The following CARM1 variants were observed in gnomAD, a reference collection of about 807,000 sequenced individuals.
The protein encoded by CARM1 is coactivator associated arginine methyltransferase 1.
In CARM1, 14 loss-of-function variants were observed where a neutral mutation model predicts 72.7. The observed-to-expected ratio is 0.19, with a 90% CI of 0.13 to 0.30. The LOEUF (loss-of-function observed/expected upper bound fraction) is 0.30, where lower values mean the gene tolerates loss of function less well. Among genes scored for constraint, CARM1 ranks in the 10% least tolerant of loss-of-function variants. CARM1 has a pLI of 1.00. For synonymous variants in CARM1, 333 were observed against 345.5 expected (o/e 0.96, Z 0.40); for missense variants, 432 against 833.7 (o/e 0.52, Z 5.93).
In CARM1 at chr19:10,883,988, G is replaced by C. The variant is rs375169379; in HGVS notation, c.220+12066G>C. Among the ~76,000 whole-genome samples, 3 of 147,164 alleles carry C rather than the reference G, an allele frequency of 2.0e-5. No homozygotes were observed. The Admixed American group carries it at 2.0e-4, about 10-fold the overall frequency. On this transcript the variant is annotated intron_variant, in intron 1 of 15. Transcript: ENST00000327064. Reference sequence around the variant, plus strand: ...AGCCAAGATCATGCCACTGCACTCCGGCCTGGGTGACAGAGCGAGACTCTG... The same window carrying C: ...AGCCAAGATCATGCCACTGCACTCCCGCCTGGGTGACAGAGCGAGACTCTG...
At chr19:10,902,602 C>T (rs1270315031) in intron 1 of CARM1, among the ~76,000 whole-genome samples, 1 of 146,388 alleles carries the variant, frequency 6.8e-6, no homozygotes, top group Non-Finnish European at 1.5e-5. Flanking sequence ...AGCCACTGTG[C>T]CCAGACTTTT....
Position 10,916,562 on chromosome 19 carries a change from C to T in CARM1, c.938+65C>T, listed in dbSNP as rs1416610525. The T allele has an allele frequency of 3.5e-6, 5 of 1,421,556 alleles. No individual in the cohort carries two copies. The East Asian group carries it at 9.2e-5, about 26-fold the overall frequency. 88.1% of individuals were successfully genotyped at this position (1,421,556 alleles called of 1,614,324 possible). On this transcript the variant is annotated intron_variant, in intron 7 of 15. Coordinates refer to ENST00000327064, the MANE Select transcript of CARM1 (RefSeq NM_199141.2). The surrounding 1 kb of genome is among the most constrained non-coding windows in gnomAD (Gnocchi z 4.4). Reference sequence around the variant, plus strand: ...TGCCTTCTCAGGGACAGCCCCAGCTCCCCAGAGAGCCTGCACTCCTCTTTT... The same window carrying T: ...TGCCTTCTCAGGGACAGCCCCAGCTTCCCAGAGAGCCTGCACTCCTCTTTT...
intron 1 of CARM1, among the ~76,000 whole-genome samples, chr19:10,902,075 C>A (rs1418163302): frequency 6.6e-6 from 1 of 151,986 alleles, no homozygotes; most frequent in Admixed American, 6.6e-5. Context: ...GAAACTCCAT[C>A]TCTACGAAAA....
intron 1 of CARM1, among the ~76,000 whole-genome samples, chr19:10,895,702 C>G (rs2074019353): frequency 6.6e-6 from 1 of 152,194 alleles, no homozygotes; most frequent in African/African-American, 2.4e-5. Context: ...TGCCCCTGCC[C>G]CTATCCCGGG....
intron 1 of CARM1, among the ~76,000 whole-genome samples, chr19:10,892,998 G>GCC (rs2073998791): frequency 6.6e-6 from 1 of 152,088 alleles, no homozygotes; most frequent in Non-Finnish European, 1.5e-5. Flanking sequence ...GCCTCCCAAA[G>GCC]TGGTGGGATT....
At chr19:10,880,664 G>A (rs1303132255) in intron 1 of CARM1, among the ~76,000 whole-genome samples, 1 of 152,130 alleles carries the variant, frequency 6.6e-6, no homozygotes, top group East Asian at 1.9e-4. Context: ...TCCAGAGCTC[G>A]GGTTCTTAAT....
chr19:10,879,380 A>C (rs1166478361), intron 1 of CARM1, among the ~76,000 whole-genome samples: 2 of 152,200 alleles, frequency 1.3e-5, no homozygotes, highest in African/African-American at 4.8e-5. Flanking sequence ...CCATGTGCTC[A>C]GCTGAATTTA....
chr19:10,908,399 C>G (rs2074120718), intron 3 of CARM1, among the ~76,000 whole-genome samples: 1 of 152,226 alleles, frequency 6.6e-6, no homozygotes, highest in Non-Finnish European at 1.5e-5. Flanking sequence ...CTCAGGGCCA[C>G]AGGCGTTGTG....
In CARM1 at chr19:10,920,123, GGTGTGTGTGTGTGTGTGTGTATGT is replaced by G. The variant is rs1190112014; in HGVS notation, c.1196+168_1196+191del. Among the ~76,000 whole-genome samples the G allele has an allele frequency of 6.7e-6, 1 of 149,934 alleles. No individual in the cohort carries two copies. The highest frequency in any genetic ancestry group is 1.5e-5 in the Non-Finnish European group (1 of 67,334). On this transcript the variant is annotated intron_variant, in intron 10 of 15. Coordinates refer to ENST00000327064, the MANE Select transcript of CARM1 (RefSeq NM_199141.2). This position sits in a 1 kb window ranked among gnomAD's most constrained non-coding sequence, Gnocchi z 5.3. ...CGGAGCAAGAGACTGTTGTGGGTGG[GGTGTGTGTGTGTGTGTGTGTATGT>G]GTGTGTGTGTCCTGTGTTCCCAGTG...
intron 1 of CARM1, among the ~76,000 whole-genome samples, chr19:10,884,704 T>C (rs1031750649): frequency 6.6e-6 from 1 of 152,132 alleles, no homozygotes; most frequent in Non-Finnish European, 1.5e-5. Flanking sequence ...ATCGCTTCTT[T>C]ATTTTATTAT....
chr19:10,914,103 C>T, intron 6 of CARM1, 49 bp downstream of exon 6: 1 of 1,538,700 alleles, frequency 6.5e-7, no homozygotes, highest in Non-Finnish European at 8.8e-7. Context: ...GAGGCCCTGG[C>T]TGCCGCTGAG....
intron 1 of CARM1, among the ~76,000 whole-genome samples, chr19:10,902,261 T>G (rs1480671612): frequency 1.4e-5 from 2 of 146,596 alleles, no homozygotes; most frequent in Non-Finnish European, 3.0e-5. Flanking sequence ...ATAAATATAA[T>G]AAAAATAGAT....
Position 10,920,334 on chromosome 19 carries a change from G to C in CARM1, c.1197-102G>C. The C allele has an allele frequency of 7.2e-7, 1 of 1,389,742 alleles. No homozygotes were observed. 86.1% of individuals were successfully genotyped at this position (1,389,742 alleles called of 1,614,324 possible). The stretch of plus-strand genomic sequence containing the variant: ...CTGCTCCAGGGTCCCAGGGGTCCCT[G>C]GCAGAGGGGGCAGGTGCTTGGGGAG... On this transcript the variant is annotated intron_variant, in intron 10 of 15. Transcript: ENST00000327064. This position sits in a 1 kb window ranked among gnomAD's most constrained non-coding sequence, Gnocchi z 5.3.
chr19:10,881,935 G>A (rs78733423), intron 1 of CARM1, among the ~76,000 whole-genome samples: 1,551 of 152,118 alleles, frequency 0.01, 28 homozygotes, highest in African/African-American at 0.036. Context: ...TCTGAGGAGC[G>A]CTAAATCAGC....
intron 3 of CARM1, 80 bp from the exon 4 acceptor site, chr19:10,909,019 CCTTG>C: frequency 2.9e-6 from 3 of 1,028,710 alleles, no homozygotes; most frequent in Non-Finnish European, 4.5e-6. Flanking sequence ...CTAGATGGCC[CCTTG>C]CTCTATCACA....
At chr19:10,917,404 G>A (rs1047332720) in intron 8 of CARM1, among the ~76,000 whole-genome samples, 2 of 152,050 alleles carry the variant, frequency 1.3e-5, no homozygotes, top group African/African-American at 2.4e-5. Flanking sequence ...GTGAACCCGG[G>A]AGGCAGAGCT....
chr19:10,921,651 C>G lies in CARM1; in HGVS notation c.1721C>G (p.Thr574Arg). The change falls in exon 16 of 16, where the codon ACG (threonine) becomes AGG (arginine). Residue 574 changes from threonine to arginine, a missense_variant. Coordinates refer to ENST00000327064, the MANE Select transcript of CARM1 (RefSeq NM_199141.2). ...GCCCAGGGCAGTGGTGGTGGCAGCA[C>G]GAGTGCCCACTATGCAGTCAACAGC... ...SGAQGSGGGS[T>R]SAHYAVNSQF... 6.2e-7 allele frequency: 1 copy of G among 1,613,424 alleles called. No homozygotes were observed. The highest frequency in any genetic ancestry group is 8.5e-7 in the Non-Finnish European group (1 of 1,179,816).
chr19:10,899,132 C>T (rs914465673), intron 1 of CARM1, among the ~76,000 whole-genome samples: 28 of 151,646 alleles, frequency 1.8e-4, no homozygotes, highest in Non-Finnish European at 3.5e-4. Context: ...GAGAAGCTGC[C>T]GGCTCCGCGG....
chr19:10,898,114 GA>G (rs1161821831), intron 1 of CARM1, among the ~76,000 whole-genome samples: 4,874 of 122,318 alleles, frequency 0.04, 121 homozygotes, highest in African/African-American at 0.068. Context: ...TCAAAAAAAA[GA>G]AAAAAAAAAA....
Sources: allele counts gnomAD v4.1 joint callset (sites outside exome capture counted in the v4.1 genomes callset), GRCh38; gene constraint gnomAD v4.1.1; non-coding constraint Gnocchi (gnomAD v3.1); transcripts MANE v1.5; gene names NCBI Gene and HGNC (gene_info 2026-07-23, HGNC 2026-07-21).